Variants in MARCHF1 observed in about 807,000 individuals in gnomAD.
The protein encoded by MARCHF1 is E3 ubiquitin-protein ligase MARCHF1.
MARCHF1 carries 40 observed loss-of-function variants against 54.2 expected under a neutral mutation model. That is an observed-to-expected ratio of 0.74 (90% CI 0.57 to 0.96). The LOEUF is 0.96. Ranked by LOEUF, MARCHF1 falls within the 40% of genes least tolerant of loss-of-function variation. MARCHF1 has a pLI of 0.00. For synonymous variants in MARCHF1, 236 were observed against 236.3 expected (o/e 1.00, Z 0.01); for missense variants, 586 against 656.5 (o/e 0.89, Z 1.17).
At chr4:163,606,674 G>C (rs1319758252) in intron 7 of MARCHF1, among the ~76,000 whole-genome samples, 1 of 152,004 alleles carries the variant, frequency 6.6e-6, no homozygotes, top group Non-Finnish European at 1.5e-5. Context: ...GAGCATTACT[G>C]TATTGTTTCA....
chr4:164,140,206 T>TAC (rs1392526273), intron 1 of MARCHF1, among the ~76,000 whole-genome samples: 1 of 144,030 alleles, frequency 6.9e-6, no homozygotes, highest in Non-Finnish European at 1.5e-5. Context: ...CACACATATA[T>TAC]ACACACACAC....
At chr4:163,635,309 G>C (rs1418307052) in intron 5 of MARCHF1, among the ~76,000 whole-genome samples, 2 of 147,168 alleles carry the variant, frequency 1.4e-5, no homozygotes, top group African/African-American at 5.1e-5. Flanking sequence ...GAATCCAGGA[G>C]CTGGTTTTTT....
At chr4:163,744,995 C>A (rs948514874) in intron 4 of MARCHF1, among the ~76,000 whole-genome samples, 1 of 152,116 alleles carries the variant, frequency 6.6e-6, no homozygotes, top group East Asian at 1.9e-4. Flanking sequence ...GAAAACAAAA[C>A]CAACACCAAA....
chr4:164,354,422 A>G (rs1578891577), intron 1 of MARCHF1, among the ~76,000 whole-genome samples: 1 of 135,436 alleles, frequency 7.4e-6, no homozygotes, highest in African/African-American at 2.8e-5. Flanking sequence ...ACCATGATCA[A>G]GTGGGCTTCA....
intron 1 of MARCHF1, among the ~76,000 whole-genome samples, chr4:164,240,117 T>C (rs17676292): frequency 0.28 from 42,306 of 152,034 alleles, 6,667 homozygotes; most frequent in Admixed American, 0.44. Context: ...TCAAGGGACA[T>C]GTAAATAAGA....
At chr4:163,646,968 C>T (rs1038144826) in intron 5 of MARCHF1, among the ~76,000 whole-genome samples, 2 of 152,092 alleles carry the variant, frequency 1.3e-5, no homozygotes, top group Middle Eastern at 3.4e-3. Context: ...GACAAAGTGG[C>T]TAAATAAATA....
rs1212503461 is a variant in MARCHF1, at chr4:163,545,707, T to C, written c.1228A>G (p.Lys410Glu). The C allele has an allele frequency of 6.2e-7, 1 of 1,613,952 alleles. No individual in the cohort carries two copies. Among genetic ancestry groups the C allele is most frequent in the Non-Finnish European group, 8.5e-7 (1 of 1,179,990 alleles). The change falls in exon 9 of 10, where the codon AAA (lysine) becomes GAA (glutamate). Residue 410 changes from lysine to glutamate, a missense_variant. This residue lies in a region of MARCHF1 where 93 missense variants were observed against 168.2 expected (regional missense o/e 0.55). Transcript: ENST00000514618. Reference sequence around the variant, plus strand: ...TGGAATGTGACAGAGCAGAATATTTTCCTCCTTTCACTTGTGGTCATCTGT... The same window carrying C: ...TGGAATGTGACAGAGCAGAATATTTCCCTCCTTTCACTTGTGGTCATCTGT... ...KLQMTTSERR[K>E]IFCSVTFHVI...
intron 1 of MARCHF1, among the ~76,000 whole-genome samples, chr4:164,175,767 C>T (rs59085539): frequency 1.3e-5 from 2 of 152,244 alleles, no homozygotes; most frequent in Admixed American, 6.5e-5. Context: ...CAGCCCACCA[C>T]GCTGCCCTGC....
At chr4:164,312,262 G>A (rs935244227) in intron 1 of MARCHF1, among the ~76,000 whole-genome samples, 1 of 150,898 alleles carries the variant, frequency 6.6e-6, no homozygotes, top group Non-Finnish European at 1.5e-5. Context: ...TGCACGTAAA[G>A]CAACTGTATT....
intron 5 of MARCHF1, among the ~76,000 whole-genome samples, chr4:163,654,715 A>G (rs567354522): frequency 4.0e-4 from 60 of 151,500 alleles, no homozygotes; most frequent in African/African-American, 1.4e-3. Flanking sequence ...TCTTCTATCT[A>G]TTTACTTTCG....
intron 1 of MARCHF1, among the ~76,000 whole-genome samples, chr4:164,343,856 C>T (rs992540491): frequency 2.0e-5 from 3 of 152,058 alleles, no homozygotes; most frequent in Non-Finnish European, 4.4e-5. Context: ...CTGTTTGACC[C>T]AACAGTCTCA....
At chr4:163,719,110 C>T (rs1245252414) in intron 4 of MARCHF1, among the ~76,000 whole-genome samples, 1 of 152,066 alleles carries the variant, frequency 6.6e-6, no homozygotes, top group East Asian at 1.9e-4. Flanking sequence ...ATACATGGGC[C>T]ATGTTGGTGT....
chr4:163,948,797 C>T (rs1009955631), intron 3 of MARCHF1, among the ~76,000 whole-genome samples: 1 of 152,202 alleles, frequency 6.6e-6, no homozygotes, highest in African/African-American at 2.4e-5. Flanking sequence ...CAATCAGCAA[C>T]AACTTTGAAA....
chr4:164,332,293 C>G (rs181518624), intron 1 of MARCHF1, among the ~76,000 whole-genome samples: 4 of 152,134 alleles, frequency 2.6e-5, no homozygotes, highest in Non-Finnish European at 4.4e-5. Context: ...CCTGCCAGAG[C>G]CTGTTATTAA....
At chr4:163,705,763 C>A (rs1191936626) in intron 4 of MARCHF1, among the ~76,000 whole-genome samples, 1 of 151,834 alleles carries the variant, frequency 6.6e-6, no homozygotes, top group African/African-American at 2.4e-5. Flanking sequence ...AATTATAGAA[C>A]CTCTATTAGG....
In MARCHF1 at chr4:163,874,248, T is replaced by C. The variant is rs552319290; in HGVS notation, c.-38-20079A>G. Among the ~76,000 whole-genome samples the C allele has an allele frequency of 2.0e-3, 302 of 152,262 alleles. 2 individuals carry two copies. The highest frequency in any genetic ancestry group is 7.3e-3 in the Admixed American group (111 of 15,292). On this transcript the variant is annotated intron_variant, in intron 3 of 9. Transcript: ENST00000514618. ...TTAAGTTGTTGGATTATTAGAGATG[T>C]TTGGGCAGCCACGTGGCGGAAGTAC...
intron 4 of MARCHF1, among the ~76,000 whole-genome samples, chr4:163,748,245 A>G (rs1490369083): frequency 2.6e-5 from 4 of 152,202 alleles, no homozygotes; most frequent in South Asian, 2.1e-4. Context: ...TCCTTTCCCT[A>G]TAGTTTTTCC....
At chr4:163,661,527 C>G (rs140694684) in intron 5 of MARCHF1, among the ~76,000 whole-genome samples, 26 of 151,850 alleles carry the variant, frequency 1.7e-4, no homozygotes, top group African/African-American at 6.3e-4. Context: ...TTTCTAGATG[C>G]TTTTCTTTTT....
chr4:163,744,233 G>C (rs1159220740), intron 4 of MARCHF1, among the ~76,000 whole-genome samples: 1 of 152,022 alleles, frequency 6.6e-6, no homozygotes, highest in Non-Finnish European at 1.5e-5. Context: ...CATTTTATCT[G>C]CATTTTCGAA....
Sources: allele counts gnomAD v4.1 joint callset (sites outside exome capture counted in the v4.1 genomes callset), GRCh38; gene constraint gnomAD v4.1.1; regional missense constraint gnomAD v4.1.1; transcripts MANE v1.5; gene names NCBI Gene and HGNC (gene_info 2026-07-23, HGNC 2026-07-21).